Variants in ZCCHC4 observed in about 807,000 individuals in gnomAD.
ZCCHC4 encodes the protein rRNA N(6)-adenosine-methyltransferase ZCCHC4.
A neutral mutation model predicts 67.7 loss-of-function variants in ZCCHC4; 54 were observed. The ratio of observed to expected loss-of-function variants is 0.80; its 90% confidence interval spans 0.64 to 1.00. The LOEUF (loss-of-function observed/expected upper bound fraction) is 1.00, where lower values mean the gene tolerates loss of function less well. Among genes scored for constraint, ZCCHC4 ranks in the 50% least tolerant of loss-of-function variants. The probability of loss-of-function intolerance (pLI) is 0.00; values close to 1 mark genes in which losing one functional copy is unlikely to be tolerated. For missense variants in ZCCHC4, 609 were observed against 617.0 expected (o/e 0.99, Z 0.14); for synonymous variants, 198 against 213.5 (o/e 0.93, Z 0.63).
chr4:25,329,598 G>A (rs1044097054), intron 3 of ZCCHC4, among the ~76,000 whole-genome samples: 6 of 145,756 alleles, frequency 4.1e-5, no homozygotes, highest in African/African-American at 1.5e-4. Flanking sequence ...GCAGTGGCGT[G>A]ATCTCGGCTC....
At position 25,345,564 on chromosome 4, in the gene ZCCHC4, A is replaced by C; in HGVS notation, c.703A>C (p.Met235Leu). 1 of 1,552,924 alleles carries C rather than the reference A, an allele frequency of 6.4e-7. No individual in the cohort carries two copies. The highest frequency in any genetic ancestry group is 8.9e-7 in the Non-Finnish European group (1 of 1,128,614). The stretch of plus-strand genomic sequence containing the variant: ...ATTTTACAGGTATTCACAGTTTTAT[A>C]TGGAAGATAGCTTTTGCCATTATAA... ...DIDFRYSQFYMEDSFCHYNMF... is the reference protein window; with the variant it reads ...DIDFRYSQFYLEDSFCHYNMF... The change falls in exon 6 of 13, where the codon ATG becomes CTG. Residue 235 changes from methionine (M) to leucine (L), a missense_variant. Transcript: ENST00000302874.
At position 25,333,381 on chromosome 4, in the gene ZCCHC4, T is replaced by A; in HGVS notation, c.528T>A (p.Ala176=). 1 of 1,614,190 alleles carries A rather than the reference T, an allele frequency of 6.2e-7. No individual in the cohort carries two copies. Among genetic ancestry groups the A allele is most frequent in the Non-Finnish European group, 8.5e-7 (1 of 1,180,024 alleles). The change falls in exon 4 of 13, where the codon GCT becomes GCA. Residue 176 remains alanine, a synonymous_variant. Coordinates refer to ENST00000302874, the MANE Select transcript of ZCCHC4 (RefSeq NM_024936.3). ...AGACAAATGCCCAGTATCTGTTTGC[T>A]GATCGGAGCTGTCAGTTCTTGGTAG... ...NKKTNAQYLF[A]DRSCQFLVDL... is the part of the protein sequence containing the mutation.
intron 2 of ZCCHC4, 111 bp from the exon 3 acceptor site, chr4:25,315,207 C>A: frequency 2.3e-6 from 2 of 873,758 alleles, no homozygotes; most frequent in South Asian, 2.2e-5. Flanking sequence ...GAAATGAATG[C>A]CTGTTGAGTT....
intron 9 of ZCCHC4, 100 bp from the exon 10 acceptor site, chr4:25,362,126 A>C: frequency 6.9e-7 from 1 of 1,447,420 alleles, no homozygotes; most frequent in Non-Finnish European, 9.4e-7. Flanking sequence ...AATTGAATTC[A>C]GATTGCACCC....
intron 3 of ZCCHC4, among the ~76,000 whole-genome samples, chr4:25,318,527 G>C (rs190335975): frequency 3.1e-4 from 47 of 151,238 alleles, no homozygotes; most frequent in African/African-American, 9.9e-4. Context: ...GCTAATTTTT[G>C]TGTTTTTAGT....
chr4:25,315,364 G>T lies in ZCCHC4; in HGVS notation c.293G>T (p.Cys98Phe), dbSNP rs1401187326. ...GCCCGAGAAGCTCATAACCGAAGAT[G>T]TCAGCCTCCCCTGTCCCGAACGCAG... is the stretch of plus-strand genomic sequence containing the variant. ...LAAREAHNRR[C>F]QPPLSRTQCV... Residue 98 changes from cysteine (C) to phenylalanine (F), a missense_variant, in exon 3 of 13, where the codon TGT (cysteine) becomes TTT (phenylalanine). Transcript: ENST00000302874. 1.2e-6 allele frequency: 2 copies of T among 1,613,192 alleles called. No homozygotes were observed. The highest frequency in any genetic ancestry group is 1.7e-6 in the Non-Finnish European group (2 of 1,179,440).
At chr4:25,313,897 A>G in intron 1 of ZCCHC4, 149 bp from the exon 2 acceptor site, 1 of 588,518 alleles carries the variant, frequency 1.7e-6, no homozygotes, top group Non-Finnish European at 3.0e-6. Flanking sequence ...TAACAAAACA[A>G]AAAACAACCA....
At chr4:25,343,869 ATAAG>A (rs1432983957) in intron 5 of ZCCHC4, among the ~76,000 whole-genome samples, 1 of 152,220 alleles carries the variant, frequency 6.6e-6, no homozygotes, top group East Asian at 1.9e-4. Flanking sequence ...AGAAGTCATA[ATAAG>A]TAAGGATGTG....
intron 7 of ZCCHC4, among the ~76,000 whole-genome samples, chr4:25,350,877 G>A (rs1436278066): frequency 6.6e-6 from 1 of 152,148 alleles, no homozygotes; most frequent in Non-Finnish European, 1.5e-5. Context: ...GATAGCTTAT[G>A]GCTTCAGTTT....
rs1291345586 is a variant in ZCCHC4, at chr4:25,317,722, AAAAAGAAAG to A, written c.329+2331_329+2339del. Among the ~76,000 whole-genome samples, 471 of 138,906 alleles carry A rather than the reference AAAAAGAAAG, an allele frequency of 3.4e-3. 30 individuals are homozygous for A. The highest frequency in any genetic ancestry group is 0.019 in the Middle Eastern group (5 of 258). The allele number at this position is 138,906 out of a possible 152,430, so 91.1% of individuals were successfully genotyped here. On this transcript the variant is annotated intron_variant, in intron 3 of 12. Coordinates refer to ENST00000302874, the MANE Select transcript of ZCCHC4 (RefSeq NM_024936.3). ...GCTGTCACAAAAAAAAAAAAAAAAA[AAAAAGAAAG>A]AAAAGAAAATGGAGCACTACTGTGA...
At chr4:25,337,774 ATCTT>A (rs1345093980) in intron 5 of ZCCHC4, among the ~76,000 whole-genome samples, 1 of 152,240 alleles carries the variant, frequency 6.6e-6, no homozygotes, top group African/African-American at 2.4e-5. Flanking sequence ...GTACAATGTG[ATCTT>A]TCTAATAGTA....
intron 8 of ZCCHC4, among the ~76,000 whole-genome samples, chr4:25,353,135 T>C (rs1402733423): frequency 6.6e-6 from 1 of 152,222 alleles, no homozygotes; most frequent in East Asian, 1.9e-4. Flanking sequence ...TTACAGGCTA[T>C]TCCCTTCTTT....
chr4:25,318,927 C>T (rs1057393092), intron 3 of ZCCHC4, among the ~76,000 whole-genome samples: 5 of 152,100 alleles, frequency 3.3e-5, no homozygotes, highest in Non-Finnish European at 2.9e-5. Context: ...CTCCATCCAA[C>T]CATCTGTCCA....
chr4:25,336,241 T>C (rs1377811401), intron 5 of ZCCHC4, among the ~76,000 whole-genome samples: 1 of 152,204 alleles, frequency 6.6e-6, no homozygotes, highest in African/African-American at 2.4e-5. Context: ...ATAAAATCTA[T>C]GACCTTTGTG....
chr4:25,349,823 T>C, intron 7 of ZCCHC4, 181 bp downstream of exon 7: 1 of 626,188 alleles, frequency 1.6e-6, no homozygotes, highest in Non-Finnish European at 2.7e-6. Flanking sequence ...TGTATTATTC[T>C]AATCATGTGG....
intron 1 of ZCCHC4, 36 bp downstream of exon 1, chr4:25,312,972 C>T (rs781362936): frequency 2.5e-6 from 4 of 1,605,864 alleles, no homozygotes; most frequent in South Asian, 2.2e-5. Flanking sequence ...AACTGCCGGG[C>T]GCTGAGGGTG....
Position 25,353,520 on chromosome 4 carries a change from G to A in ZCCHC4, c.1011+1831G>A, listed in dbSNP as rs577949681. On this transcript the variant is annotated intron_variant, in intron 8 of 12. Transcript: ENST00000302874. ...GAGATAGCTGACATATTCTAAAGAA[G>A]TTAACTACGTAAACGGGTTCTAGTT... Among the ~76,000 whole-genome samples the A allele has an allele frequency of 7.2e-5, 11 of 152,320 alleles. No individual in the cohort carries two copies. In the South Asian group the frequency reaches 2.3e-3, roughly 32 times the overall value.
At position 25,324,014 on chromosome 4, in the gene ZCCHC4, G is replaced by GTTTTGTTTTTTTTT. The variant is rs1718723792; in HGVS notation, c.329+8618_329+8619insGTTTTTTTTTTTTT. Among the ~76,000 whole-genome samples, 9 of 82,448 alleles carry GTTTTGTTTTTTTTT rather than the reference G, an allele frequency of 1.1e-4. 1 individual carries two copies. Among genetic ancestry groups the GTTTTGTTTTTTTTT allele is most frequent in the Non-Finnish European group, 1.5e-4 (7 of 46,568 alleles). The allele number at this position is 82,448 out of a possible 152,430, so 54.1% of individuals were successfully genotyped here. A position where few individuals can be genotyped will look rare whatever the true frequency, so the allele number is the denominator to read the frequency against. On this transcript the variant is annotated intron_variant, in intron 3 of 12. Transcript: ENST00000302874. ...TCGTACAGTATGTACTGTTTTTTGT[G>GTTTTGTTTTTTTTT]TTTTTTTTTTTTTTTTGAGACAGAG... is the stretch of plus-strand genomic sequence containing the variant.
chr4:25,352,330 A>T (rs1440361729), intron 8 of ZCCHC4: 1 of 984,676 alleles, frequency 1.0e-6, no homozygotes, highest in East Asian at 1.1e-4. Flanking sequence ...TTTAAACTCC[A>T]CTTTCCTGTA....
Sources: gnomAD v4.1 joint callset for allele counts (sites outside exome capture counted in the v4.1 genomes callset) on GRCh38, gnomAD v4.1.1 for gene constraint, MANE v1.5 for transcripts, NCBI Gene and HGNC (gene_info 2026-07-23, HGNC 2026-07-21) for gene names.